The following CRACR2A variants were observed in gnomAD, a reference collection of about 807,000 sequenced individuals.
The protein encoded by CRACR2A is calcium release activated channel regulator 2A.
Under a neutral mutation model 90.5 loss-of-function variants are expected in CRACR2A, and 79 were observed. The ratio of observed to expected loss-of-function variants is 0.87; its 90% CI spans 0.73 to 1.05. The LOEUF (loss-of-function observed/expected upper bound fraction) is 1.05, where lower values mean the gene tolerates loss of function less well. Ranked by LOEUF, CRACR2A falls within the 50% of genes least tolerant of loss-of-function variation. The probability of loss-of-function intolerance (pLI) is 0.00; values close to 1 mark genes in which losing one functional copy is unlikely to be tolerated. For missense variants in CRACR2A, 823 were observed against 897.2 expected (o/e 0.92, Z 1.06); for synonymous variants, 338 against 356.7 (o/e 0.95, Z 0.59).
At chr12:3,671,793 T>C (rs1945248054) in intron 7 of CRACR2A, among the ~76,000 whole-genome samples, 1 of 152,254 alleles carries the variant, frequency 6.6e-6, no homozygotes, top group East Asian at 1.9e-4. Flanking sequence ...ATTCATTGAA[T>C]ACTTATGTGC....
intron 7 of CRACR2A, among the ~76,000 whole-genome samples, chr12:3,671,650 G>T (rs1049138640): frequency 4.6e-5 from 7 of 152,174 alleles, no homozygotes; most frequent in African/African-American, 1.7e-4. Context: ...CTACACTGTT[G>T]TCTGGAAGGA....
rs902129595 is a variant in CRACR2A at position 3,721,914 on chromosome 12, C to T, written c.-117-8597G>A. On this transcript the variant is annotated intron_variant, in intron 2 of 19. Coordinates refer to ENST00000440314, the MANE Select transcript of CRACR2A (RefSeq NM_001144958.2). ...TGTTTGGAAAAATGTGAGTAGGGAA[C>T]AGGGTGCACTGGCACAAGGACAGAG... is the stretch of plus-strand genomic sequence containing the variant. Among the ~76,000 whole-genome samples, 9 of 152,254 alleles carry T rather than the reference C, an allele frequency of 5.9e-5. No homozygotes were observed. In the East Asian group the frequency reaches 1.2e-3, roughly 20 times the overall value.
intron 7 of CRACR2A, among the ~76,000 whole-genome samples, chr12:3,665,698 T>C (rs1384641877): frequency 6.6e-6 from 1 of 152,028 alleles, no homozygotes; most frequent in African/African-American, 2.4e-5. Flanking sequence ...GCTTGTTGTA[T>C]GTGGTGTGAA....
intron 4 of CRACR2A, among the ~76,000 whole-genome samples, chr12:3,682,437 T>C (rs958307080): frequency 6.6e-6 from 1 of 152,086 alleles, no homozygotes; most frequent in South Asian, 2.1e-4. Context: ...CAAATCCCCC[T>C]GTTGTCTAAT....
intron 10 of CRACR2A, among the ~76,000 whole-genome samples, chr12:3,649,614 G>A (rs1163253884): frequency 1.3e-5 from 2 of 152,230 alleles, no homozygotes; most frequent in Admixed American, 1.3e-4. Context: ...GAGTTGTGAG[G>A]AAAGGAAGAG....
Position 3,654,209 on chromosome 12 carries a change from C to T in CRACR2A, c.1046+3G>A. Reference sequence around the variant, plus strand: ...CAGAGGAGTGGACAAAGGCTGGACTCACATCTCCTTCTCTTGGTGGAGTTT... The same window carrying T: ...CAGAGGAGTGGACAAAGGCTGGACTTACATCTCCTTCTCTTGGTGGAGTTT... On this transcript the variant is annotated splice_donor_region_variant and intron_variant, in intron 10 of 19. Transcript: ENST00000440314. 6.2e-7 allele frequency: 1 copy of T among 1,611,118 alleles called. No individual in the cohort carries two copies. The highest frequency in any genetic ancestry group is 8.5e-7 in the Non-Finnish European group (1 of 1,179,146).
At chr12:3,722,263 C>G (rs534223827) in intron 2 of CRACR2A, among the ~76,000 whole-genome samples, 1 of 152,304 alleles carries the variant, frequency 6.6e-6, no homozygotes, top group Admixed American at 6.5e-5. Flanking sequence ...GGTTCCAGGA[C>G]CTGACATATT....
intron 2 of CRACR2A, chr12:3,725,843 G>A (rs1440120487): frequency 1.3e-5 from 2 of 152,126 alleles, no homozygotes; most frequent in African/African-American, 4.8e-5. Context: ...CACATCTCCC[G>A]GACAGTACTT....
At chr12:3,647,963 T>C in intron 11 of CRACR2A, 1 of 985,632 alleles carries the variant, frequency 1.0e-6, no homozygotes, top group Non-Finnish European at 1.2e-6. Flanking sequence ...TTTGAGTTTA[T>C]TGCTGGGGGT....
chr12:3,657,038 A>T (rs974374788), intron 8 of CRACR2A, among the ~76,000 whole-genome samples: 2 of 152,140 alleles, frequency 1.3e-5, no homozygotes, highest in Admixed American at 6.6e-5. Flanking sequence ...GAAGCAGGTG[A>T]GAAGGGGCCT....
At chr12:3,657,892 TCAAA>T (rs1347917912) in intron 8 of CRACR2A, among the ~76,000 whole-genome samples, 1 of 152,130 alleles carries the variant, frequency 6.6e-6, no homozygotes, top group African/African-American at 2.4e-5. Flanking sequence ...TCCTTCACGG[TCAAA>T]CAAACTGGTA....
rs1946462265 is a variant in CRACR2A at position 3,737,311 on chromosome 12, AG to A, written c.-386-4102del. On this transcript the variant is annotated intron_variant, in intron 1 of 19. Transcript: ENST00000440314. ...TGTGTTCAAGAAATGGAAGGAAACC[AG>A]GGTGGCTAGAACAATCCTAATGTGG... Among the ~76,000 whole-genome samples the A allele has an allele frequency of 2.0e-5, 3 of 152,320 alleles. No individual in the cohort carries two copies. In the South Asian group the frequency reaches 6.2e-4, roughly 32 times the overall value.
intron 18 of CRACR2A, among the ~76,000 whole-genome samples, chr12:3,618,002 T>C (rs934908637): frequency 6.6e-6 from 1 of 151,778 alleles, no homozygotes; most frequent in Non-Finnish European, 1.5e-5. Context: ...TGTCAAAGAG[T>C]AGAAGTTCCA....
At chr12:3,732,531 A>G (rs1946377097) in intron 2 of CRACR2A, 1 of 152,338 alleles carries the variant, frequency 6.6e-6, no homozygotes, top group South Asian at 2.1e-4. Context: ...TCAGGCTACT[A>G]GACAATTTCT....
In CRACR2A at chr12:3,652,608, G is replaced by A. The variant is rs77646663; in HGVS notation, c.1046+1604C>T. ...GCAGAGCAGTTTTATTTAGGCCTATGGACCAAAATCCTGCCAGCAGTCAGA... is the reference window on the plus strand; with the variant it reads ...GCAGAGCAGTTTTATTTAGGCCTATAGACCAAAATCCTGCCAGCAGTCAGA... On this transcript the variant is annotated intron_variant, in intron 10 of 19. Coordinates refer to ENST00000440314, the MANE Select transcript of CRACR2A (RefSeq NM_001144958.2). Among the ~76,000 whole-genome samples the A allele has an allele frequency of 3.4e-3, 513 of 152,268 alleles. 1 individual carries two copies. Among genetic ancestry groups the A allele is most frequent in the African/African-American group, 0.011 (467 of 41,542 alleles).
chr12:3,640,878 A>G (rs1367927738), intron 13 of CRACR2A: 6 of 1,251,828 alleles, frequency 4.8e-6, no homozygotes, highest in East Asian at 1.1e-4. Context: ...AAGCTCAATC[A>G]TGTGCTGCCC....
intron 4 of CRACR2A, among the ~76,000 whole-genome samples, chr12:3,690,776 A>T (rs757472279): frequency 9.2e-5 from 14 of 152,160 alleles, no homozygotes; most frequent in Non-Finnish European, 1.8e-4. Context: ...GTCTTCCACT[A>T]TTATAGTGTG....
intron 2 of CRACR2A, among the ~76,000 whole-genome samples, chr12:3,719,266 T>A (rs577569627): frequency 8.4e-4 from 128 of 152,186 alleles, no homozygotes; most frequent in East Asian, 3.9e-3. Context: ...GGATTTTTTT[T>A]AAAAAAAGCA....
chr12:3,694,046 C>A (rs1282304652), intron 4 of CRACR2A, among the ~76,000 whole-genome samples: 1 of 152,152 alleles, frequency 6.6e-6, no homozygotes, highest in African/African-American at 2.4e-5. Context: ...TTGTTGGGGG[C>A]TGGGAATGAG....
Sources: allele counts gnomAD v4.1 joint callset (sites outside exome capture counted in the v4.1 genomes callset), GRCh38; gene constraint gnomAD v4.1.1; transcripts MANE v1.5; gene names NCBI Gene and HGNC (gene_info 2026-07-23, HGNC 2026-07-21).